NLRP14: variants seen among roughly 807,000 people sequenced by gnomAD.
NLRP14 encodes the protein NACHT, LRR and PYD domains-containing protein 14.
In NLRP14, 105 loss-of-function variants were observed where a neutral mutation model predicts 94.7. The observed-to-expected ratio is 1.11, with a 90% CI of 0.95 to 1.30. NLRP14 has a LOEUF of 1.30. NLRP14 is among the 50% of genes most tolerant of loss of function. The pLI, the probability that NLRP14 is intolerant of heterozygous loss-of-function variation, is 0.00. For synonymous variants in NLRP14, 508 were observed against 459.9 expected (o/e 1.10, Z -1.34); for missense variants, 1,362 against 1,254.1 (o/e 1.09, Z -1.30).
In NLRP14 at chr11:7,062,346, G is replaced by A. The variant is rs752418741; in HGVS notation, c.2818G>A (p.Val940Ile). Residue 940 changes from valine to isoleucine, a missense_variant, in exon 10 of 12, where the codon GTT (valine) becomes ATT (isoleucine). Transcript: ENST00000299481. ...NLQDLELMGC[V>I]LTNACCLDLA... is the part of the protein sequence containing the mutation. Reference sequence around the variant, plus strand: ...TAATTCTTACAGATTGATGGGCTGTGTTCTCACTAATGCATGTTGTCTGGA... The same window carrying A: ...TAATTCTTACAGATTGATGGGCTGTATTCTCACTAATGCATGTTGTCTGGA... 19 of 1,612,628 alleles carry A rather than the reference G, an allele frequency of 1.2e-5. No individual in the cohort carries two copies. Among genetic ancestry groups the A allele is most frequent in the Admixed American group, 1.7e-5 (1 of 59,918 alleles).
chr11:7,033,175 T>G (rs1852120268), intron 1 of NLRP14, among the ~76,000 whole-genome samples: 1 of 152,244 alleles, frequency 6.6e-6, no homozygotes, highest in Admixed American at 6.5e-5. Context: ...AACTCTTGGA[T>G]CTTTTCAAGT....
chr11:7,089,802 C>T, the NLRP14 span: 4 of 1,604,630 alleles, frequency 2.5e-6, no homozygotes, highest in East Asian at 2.2e-5. Flanking sequence ...CTACCGCGAA[C>T]CCCGGGGTTT....
chr11:7,057,950 C>A, intron 7 of NLRP14, 103 bp downstream of exon 7: 1 of 925,284 alleles, frequency 1.1e-6, no homozygotes, highest in Non-Finnish European at 1.8e-6. Flanking sequence ...CACTAACTGG[C>A]TCGTTTGTCA....
chr11:7,084,026 C>T, the NLRP14 span, among the ~76,000 whole-genome samples: 1 of 152,186 alleles, frequency 6.6e-6, no homozygotes, highest in Admixed American at 6.5e-5. Context: ...GAAAATAGCA[C>T]ATAATGTTGC....
intron 1 of NLRP14, among the ~76,000 whole-genome samples, chr11:7,031,922 T>A (rs182538060): frequency 9.8e-5 from 15 of 152,294 alleles, no homozygotes; most frequent in Admixed American, 9.8e-4. Context: ...GCGTTGGTCA[T>A]CCTCTCTAGC....
chr11:7,043,589 A>T lies in NLRP14; in HGVS notation c.1563A>T (p.Lys521Asn). The T allele has an allele frequency of 6.2e-7, 1 of 1,614,198 alleles. No individual in the cohort carries two copies. ...LKSLLQSTSY[K>N]DPHLTQMKCF... Reference sequence around the variant, plus strand: ...CATTACTTCAAAGCACAAGTTATAAAGACCCCCATTTGACACAGATGAAGT... The same window carrying T: ...CATTACTTCAAAGCACAAGTTATAATGACCCCCATTTGACACAGATGAAGT... Residue 521 changes from lysine to asparagine, a missense_variant, in exon 4 of 12, where the codon AAA (lysine) becomes AAT (asparagine). Coordinates refer to ENST00000299481, the MANE Select transcript of NLRP14 (RefSeq NM_176822.4).
chr11:7,031,106 G>A (rs1332735968), intron 1 of NLRP14, among the ~76,000 whole-genome samples: 3 of 152,204 alleles, frequency 2.0e-5, no homozygotes, highest in African/African-American at 7.2e-5. Context: ...GAGGCATTAA[G>A]GGCCAGAGTG....
chr11:7,053,920 C>A (rs1047563561), intron 6 of NLRP14, among the ~76,000 whole-genome samples: 21 of 152,098 alleles, frequency 1.4e-4, no homozygotes, highest in African/African-American at 4.8e-4. Context: ...TTTTTGTACC[C>A]ATTAACCATT....
the NLRP14 span, chr11:7,090,209 T>C: frequency 6.2e-7 from 1 of 1,612,556 alleles, no homozygotes; most frequent in Non-Finnish European, 8.5e-7. Flanking sequence ...CCCAGCGTGA[T>C]TCTTACAGCC....
At position 7,038,799 on chromosome 11, in the gene NLRP14, C is replaced by G; in HGVS notation, c.213C>G (p.Ala71=). ...AGAAATATTATCCAGGAGAGAAAGC[C>G]TGGAGTGTGTCTCTCAAAATCTTTG... ...LMKKYYPGEK[A]WSVSLKIFGK... Residue 71 remains alanine (A), a synonymous_variant, in exon 2 of 12, where the codon GCC becomes GCG. Transcript: ENST00000299481. 6.2e-7 allele frequency: 1 copy of G among 1,613,128 alleles called. No homozygotes were observed. Among genetic ancestry groups the G allele is most frequent in the Non-Finnish European group, 8.5e-7 (1 of 1,179,760 alleles).
At chr11:7,086,837 C>T in the NLRP14 span, among the ~76,000 whole-genome samples, 2 of 152,102 alleles carry the variant, frequency 1.3e-5, no homozygotes, top group African/African-American at 4.8e-5. Flanking sequence ...AGTTAAGGAA[C>T]TTCATCAGAT....
chr11:7,041,727 T>A (rs10160479), intron 3 of NLRP14, among the ~76,000 whole-genome samples: 7,663 of 152,244 alleles, frequency 0.05, 243 homozygotes, highest in Middle Eastern at 0.1. Context: ...ATATACTGTT[T>A]TGAGAATATA....
chr11:7,036,883 T>A (rs2119592056), intron 1 of NLRP14, among the ~76,000 whole-genome samples: 1 of 152,316 alleles, frequency 6.6e-6, no homozygotes, highest in South Asian at 2.1e-4. Context: ...TGAGTAGGAC[T>A]TAGGGGACAG....
chr11:7,038,440 C>T (rs1047698952), intron 1 of NLRP14, 126 bp from the exon 2 acceptor site: 35 of 759,448 alleles, frequency 4.6e-5, no homozygotes, highest in Non-Finnish European at 7.0e-5. Flanking sequence ...AGTACCGAGC[C>T]TAATACAGTG....
chr11:7,080,525 T>G, the NLRP14 span, among the ~76,000 whole-genome samples: 1 of 152,158 alleles, frequency 6.6e-6, no homozygotes, highest in Non-Finnish European at 1.5e-5. Flanking sequence ...CTTTTATTGA[T>G]GCTATTTCAA....
In NLRP14 at chr11:7,038,564, A is replaced by C; in HGVS notation, c.-21-2A>C. On this transcript the variant is annotated splice_acceptor_variant, in intron 1 of 11. Coordinates refer to ENST00000299481, the MANE Select transcript of NLRP14 (RefSeq NM_176822.4). LOFTEE classifies it low-confidence loss of function (5UTR_SPLICE). ...TTTTGGTTATTTTTTTTCCCCCCAC[A>C]GAGGCCTGAATATTTGGACAAGATG... 1 of 1,611,124 alleles carries C rather than the reference A, an allele frequency of 6.2e-7. No individual in the cohort carries two copies. Among genetic ancestry groups the C allele is most frequent in the Non-Finnish European group, 8.5e-7 (1 of 1,178,414 alleles).
At position 7,038,555 on chromosome 11, in the gene NLRP14, T is replaced by A; in HGVS notation, c.-21-11T>A. On this transcript the variant is annotated splice_polypyrimidine_tract_variant and intron_variant, in intron 1 of 11. Transcript: ENST00000299481. ...TCCATGTGCTTTTGGTTATTTTTTT[T>A]CCCCCCACAGAGGCCTGAATATTTG... 1.9e-6 allele frequency: 3 copies of A among 1,606,114 alleles called. No individual in the cohort carries two copies. Among genetic ancestry groups the A allele is most frequent in the South Asian group, 2.2e-5 (2 of 90,678 alleles).
At chr11:7,039,936 A>G (rs1852223428) in intron 3 of NLRP14, 151 bp downstream of exon 3, 3 of 717,060 alleles carry the variant, frequency 4.2e-6, no homozygotes, top group African/African-American at 1.7e-5. Context: ...AGGATCAGCA[A>G]AACACTCCCT....
intron 11 of NLRP14, among the ~76,000 whole-genome samples, 166 bp from the exon 12 acceptor site, chr11:7,071,007 C>G (rs1852787071): frequency 6.6e-6 from 1 of 152,214 alleles, no homozygotes; most frequent in South Asian, 2.1e-4. Flanking sequence ...ATCTCCCTCA[C>G]TGTATCTCTC....
Sources: allele counts gnomAD v4.1 joint callset (sites outside exome capture counted in the v4.1 genomes callset), GRCh38; gene constraint gnomAD v4.1.1; transcripts MANE v1.5; gene names NCBI Gene and HGNC (gene_info 2026-07-23, HGNC 2026-07-21).